The following NAALADL2 variants were observed in gnomAD, a reference collection of about 807,000 sequenced individuals.
NAALADL2 encodes N-acetylated alpha-linked acidic dipeptidase like 2.
In NAALADL2, 76 loss-of-function variants were observed where a neutral mutation model predicts 87.2. The observed-to-expected ratio is 0.87, with a 90% CI of 0.72 to 1.05. The LOEUF is 1.05. NAALADL2 is among the 50% of genes least tolerant of loss of function. The probability of loss-of-function intolerance (pLI) is 0.00; values close to 1 mark genes in which losing one functional copy is unlikely to be tolerated. For synonymous variants in NAALADL2, 354 were observed against 331.0 expected, an observed-to-expected ratio of 1.07 and a Z score of -0.75; for missense variants, 1,089 against 945.8, an observed-to-expected ratio of 1.15 and a Z score of -1.99.
chr3:175,370,995 G>A (rs1442654009), intron 5 of NAALADL2, among the ~76,000 whole-genome samples: 1 of 152,046 alleles, frequency 6.6e-6, no homozygotes, highest in Non-Finnish European at 1.5e-5. Flanking sequence ...TGACAACACT[G>A]TTGATTAAAA....
At chr3:175,232,584 C>A (rs1162808291) in intron 2 of NAALADL2, among the ~76,000 whole-genome samples, 2 of 152,084 alleles carry the variant, frequency 1.3e-5, no homozygotes, top group Non-Finnish European at 2.9e-5. Context: ...TTAAAAAAAT[C>A]TTTTACAAAG....
chr3:175,249,615 T>C (rs1748640272), intron 3 of NAALADL2, among the ~76,000 whole-genome samples: 1 of 152,152 alleles, frequency 6.6e-6, no homozygotes, highest in African/African-American at 2.4e-5. Context: ...CAAAAATTAT[T>C]GTGTTGGAAG....
chr3:175,367,423 G>A (rs1252288797), intron 5 of NAALADL2, among the ~76,000 whole-genome samples: 1 of 151,956 alleles, frequency 6.6e-6, no homozygotes, highest in African/African-American at 2.4e-5. Flanking sequence ...GATGGGGATG[G>A]CATTGAATCT....
intron 2 of NAALADL2, among the ~76,000 whole-genome samples, chr3:174,641,403 T>G (rs1399457264): frequency 1.3e-5 from 2 of 152,022 alleles, no homozygotes; most frequent in Non-Finnish European, 2.9e-5. Flanking sequence ...GGACTTAGCC[T>G]GTCATCATAC....
intron 3 of NAALADL2, among the ~76,000 whole-genome samples, chr3:174,826,010 A>G (rs1721943517): frequency 6.6e-6 from 1 of 151,592 alleles, no homozygotes; most frequent in South Asian, 2.1e-4. Context: ...CTGGGCAGAC[A>G]GAGCGAGACT....
At chr3:175,766,919 A>AT (rs543783723) in intron 13 of NAALADL2, among the ~76,000 whole-genome samples, 100 of 152,296 alleles carry the variant, frequency 6.6e-4, no homozygotes, top group African/African-American at 2.0e-3. Flanking sequence ...GCCACAAAAA[A>AT]AATACGGAGC....
chr3:175,005,521 G>A (rs1748892791), intron 1 of NAALADL2, among the ~76,000 whole-genome samples: 2 of 152,264 alleles, frequency 1.3e-5, no homozygotes, highest in Non-Finnish European at 2.9e-5. Flanking sequence ...CATACTAGGA[G>A]CTCAGTAAAT....
intron 1 of NAALADL2, among the ~76,000 whole-genome samples, chr3:174,968,153 T>A (rs1743130470): frequency 6.6e-6 from 1 of 152,214 alleles, no homozygotes. Context: ...ATTTCCCACC[T>A]CTTACTTTGG....
At chr3:175,570,034 A>C (rs1052546838) in intron 9 of NAALADL2, among the ~76,000 whole-genome samples, 1 of 152,158 alleles carries the variant, frequency 6.6e-6, no homozygotes, top group Non-Finnish European at 1.5e-5. Flanking sequence ...AAGAGAGACA[A>C]TAGTGTAGTG....
intron 1 of NAALADL2, among the ~76,000 whole-genome samples, chr3:174,896,192 A>G (rs1157605000): frequency 6.6e-6 from 1 of 152,070 alleles, no homozygotes; most frequent in Non-Finnish European, 1.5e-5. Flanking sequence ...ACAATCAGAC[A>G]AGAGAAAAAT....
chr3:175,455,771 A>T (rs1187269161), intron 6 of NAALADL2, among the ~76,000 whole-genome samples: 1 of 152,052 alleles, frequency 6.6e-6, no homozygotes, highest in Non-Finnish European at 1.5e-5. Context: ...ATAGCTGCAG[A>T]CCACAGCATC....
At chr3:175,761,976 C>T (rs936471265) in intron 13 of NAALADL2, among the ~76,000 whole-genome samples, 2 of 152,084 alleles carry the variant, frequency 1.3e-5, no homozygotes, top group African/African-American at 4.8e-5. Context: ...GTACCTCTTG[C>T]AGAGCAGAAG....
Position 175,333,434 on chromosome 3 carries a change from G to C in NAALADL2, c.1090+9109G>C, listed in dbSNP as rs181033045. ...TGTAAGCAAGATAGCTTATCCTCAA[G>C]GTGCTTGGATAAATAAAATGTGGTA... On this transcript the variant is annotated intron_variant, in intron 5 of 13. Transcript: ENST00000454872. Among the ~76,000 whole-genome samples, 25 of 152,248 alleles carry C rather than the reference G, an allele frequency of 1.6e-4. No homozygotes were observed. The East Asian group carries it at 4.6e-3, about 28-fold the overall frequency.
intron 2 of NAALADL2, among the ~76,000 whole-genome samples, chr3:175,196,984 A>T (rs905137995): frequency 9.9e-5 from 15 of 152,076 alleles, no homozygotes; most frequent in African/African-American, 3.1e-4. Flanking sequence ...TATTGCACTA[A>T]AAAATAAGAA....
At position 174,971,294 on chromosome 3, in the gene NAALADL2, A is replaced by T. The variant is rs190653166; in HGVS notation, c.43+111844A>T. ...TTTCCAAGAGATCACAGTCCAGAAGATATTGTGGATTGGATTGATATTGTT... is the reference window on the plus strand; with the variant it reads ...TTTCCAAGAGATCACAGTCCAGAAGTTATTGTGGATTGGATTGATATTGTT... On this transcript the variant is annotated intron_variant, in intron 1 of 13. Coordinates refer to ENST00000454872, the MANE Select transcript of NAALADL2 (RefSeq NM_207015.3). 5.1e-3 allele frequency among the ~76,000 whole-genome samples: 780 copies of T among 152,306 alleles called. 9 individuals are homozygous for T. The highest frequency in any genetic ancestry group is 3.9e-3 in the Non-Finnish European group (262 of 68,034).
chr3:174,655,586 A>G (rs1450890163), intron 2 of NAALADL2, among the ~76,000 whole-genome samples: 1 of 152,204 alleles, frequency 6.6e-6, no homozygotes, highest in East Asian at 1.9e-4. Context: ...ATAATCAATG[A>G]GTGTTAGCTG....
chr3:175,326,287 C>T (rs1331042554), intron 5 of NAALADL2, among the ~76,000 whole-genome samples: 2 of 152,180 alleles, frequency 1.3e-5, no homozygotes, highest in Admixed American at 6.5e-5. Flanking sequence ...ATGGCCTTTA[C>T]TGTCGGTATT....
At chr3:175,100,019 T>A (rs1280080683) in intron 2 of NAALADL2, among the ~76,000 whole-genome samples, 1 of 150,704 alleles carries the variant, frequency 6.6e-6, no homozygotes, top group Admixed American at 6.6e-5. Flanking sequence ...ATGAACATAG[T>A]ATTTATATTA....
intron 1 of NAALADL2, among the ~76,000 whole-genome samples, chr3:175,043,211 A>T (rs1220779842): frequency 6.6e-6 from 1 of 152,030 alleles, no homozygotes; most frequent in Non-Finnish European, 1.5e-5. Flanking sequence ...AAATATGGTT[A>T]TTTGATTTTT....
Sources: allele counts gnomAD v4.1 joint callset (sites outside exome capture counted in the v4.1 genomes callset), GRCh38; gene constraint gnomAD v4.1.1; transcripts MANE v1.5; gene names NCBI Gene and HGNC (gene_info 2026-07-23, HGNC 2026-07-21).